Variants in GRAMD1B observed in about 807,000 individuals in gnomAD.
The protein encoded by GRAMD1B is GRAM domain containing 1B, also known as protein Aster-B.
A neutral mutation model predicts 99.7 loss-of-function variants in GRAMD1B; 37 were observed. That is an observed-to-expected ratio of 0.37 (90% CI 0.29 to 0.49). The LOEUF (loss-of-function observed/expected upper bound fraction) is 0.49, where lower values mean the gene tolerates loss of function less well. Ranked by LOEUF, GRAMD1B falls within the 20% of genes least tolerant of loss-of-function variation. The probability of loss-of-function intolerance (pLI) is 0.98; values close to 1 mark genes in which losing one functional copy is unlikely to be tolerated. For missense variants in GRAMD1B, 888 were observed against 1,009.2 expected (o/e 0.88, Z 1.63); for synonymous variants, 427 against 387.6 (o/e 1.10, Z -1.19).
intron 1 of GRAMD1B, among the ~76,000 whole-genome samples, chr11:123,453,480 C>T (rs991823310): frequency 3.3e-5 from 5 of 152,180 alleles, no homozygotes; most frequent in Non-Finnish European, 5.9e-5. Context: ...CCACACACAG[C>T]TAATTTTTGT....
intron 2 of GRAMD1B, among the ~76,000 whole-genome samples, chr11:123,543,085 G>T (rs1249712085): frequency 6.6e-6 from 1 of 151,442 alleles, no homozygotes; most frequent in African/African-American, 2.4e-5. Flanking sequence ...TATACCTCTC[G>T]ATTTTACTGC....
intron 1 of GRAMD1B, among the ~76,000 whole-genome samples, chr11:123,387,321 T>A (rs907731189): frequency 6.6e-6 from 1 of 152,154 alleles, no homozygotes; most frequent in African/African-American, 2.4e-5. Context: ...CGGCTCGCAG[T>A]GGATGCCACG....
intron 3 of GRAMD1B, among the ~76,000 whole-genome samples, chr11:123,581,726 C>G (rs953637556): frequency 6.6e-6 from 1 of 152,212 alleles, no homozygotes; most frequent in Non-Finnish European, 1.5e-5. Context: ...TGTTCTTACC[C>G]ACGCTTTACA....
chr11:123,486,015 C>A (rs1937711566), intron 2 of GRAMD1B, among the ~76,000 whole-genome samples: 1 of 152,178 alleles, frequency 6.6e-6, no homozygotes, highest in South Asian at 2.1e-4. Context: ...TGCACCCAGC[C>A]TGATTGTGCA....
At chr11:123,438,419 G>A (rs971098548) in intron 1 of GRAMD1B, among the ~76,000 whole-genome samples, 1 of 152,118 alleles carries the variant, frequency 6.6e-6, no homozygotes, top group Non-Finnish European at 1.5e-5. Flanking sequence ...AGCAAGGTAG[G>A]AATGTGGACA....
At chr11:123,583,274 T>G (rs1949628327) in intron 3 of GRAMD1B, among the ~76,000 whole-genome samples, 1 of 149,442 alleles carries the variant, frequency 6.7e-6, no homozygotes, top group Admixed American at 6.8e-5. Flanking sequence ...CGCATGTGTG[T>G]GTGCATGTGT....
chr11:123,485,092 G>T (rs1443973693), intron 2 of GRAMD1B, among the ~76,000 whole-genome samples: 1 of 152,180 alleles, frequency 6.6e-6, no homozygotes, highest in Admixed American at 6.5e-5. Flanking sequence ...GTGGCAGATG[G>T]AGCTGGGTAG....
At chr11:123,421,891 C>A (rs995897562) in intron 1 of GRAMD1B, among the ~76,000 whole-genome samples, 2 of 152,118 alleles carry the variant, frequency 1.3e-5, no homozygotes, top group African/African-American at 4.8e-5. Context: ...TCTAATAAAT[C>A]TTTTCTGTAA....
At chr11:123,605,607 A>G (rs1952602361) in intron 10 of GRAMD1B, 129 bp downstream of exon 10, 1 of 760,014 alleles carries the variant, frequency 1.3e-6, no homozygotes, top group East Asian at 2.7e-5. Context: ...AGTTTCTTCA[A>G]GGAGGCATTC....
chr11:123,578,075 C>T (rs908956480), intron 3 of GRAMD1B, among the ~76,000 whole-genome samples: 47 of 152,282 alleles, frequency 3.1e-4, no homozygotes, highest in African/African-American at 1.1e-3. Context: ...CCTTTCCATC[C>T]TCCCAAGGAT....
intron 2 of GRAMD1B, among the ~76,000 whole-genome samples, chr11:123,507,700 A>G (rs555522927): frequency 6.6e-6 from 1 of 152,216 alleles, no homozygotes; most frequent in South Asian, 2.1e-4. Flanking sequence ...TGTATATACC[A>G]ATCTCTGAAT....
intron 16 of GRAMD1B, 144 bp downstream of exon 16, chr11:123,613,802 C>A: frequency 1.6e-6 from 1 of 638,486 alleles, no homozygotes; most frequent in African/African-American, 1.8e-5. Context: ...AAATCTGAGG[C>A]TCCCAATGCT....
rs1453708421 is a variant in GRAMD1B at position 123,623,275 on chromosome 11, T to C, written c.*680T>C. 6.6e-6 allele frequency: 1 copy of C among 152,116 alleles called. No homozygotes were observed. The highest frequency in any genetic ancestry group is 1.5e-5 in the Non-Finnish European group (1 of 68,020). 9.4% of individuals were successfully genotyped at this position (152,116 alleles called of 1,614,324 possible). ...ATCACCCCTGCACCTTCCTCCGACC[T>C]GTGTAGGGTGTGGACCCAGTAAGGG... On this transcript the variant is annotated 3_prime_UTR_variant, in exon 20 of 20. Coordinates refer to ENST00000635736, the MANE Select transcript of GRAMD1B (RefSeq NM_001387025.1).
Position 123,430,913 on chromosome 11 carries a change from C to G in GRAMD1B, c.121C>G (p.Arg41Gly). ...SSSSTPTLRR[R>G]RFKMRRMKNV... Reference sequence around the variant, plus strand: ...TTCGTCGACCCCCACGCTTCGCCGCCGGCGCTTCAAGATGCGCCGCATGAA... The same window carrying G: ...TTCGTCGACCCCCACGCTTCGCCGCGGGCGCTTCAAGATGCGCCGCATGAA... Residue 41 changes from arginine to glycine, a missense_variant, in exon 1 of 20, where the codon CGG becomes GGG. By Grantham distance (125) the Arg-to-Gly change is moderately radical. Coordinates refer to ENST00000635736, the MANE Select transcript of GRAMD1B (RefSeq NM_001387025.1). 1.4e-6 allele frequency: 1 copy of G among 702,740 alleles called. No individual in the cohort carries two copies. Among genetic ancestry groups the G allele is most frequent in the Non-Finnish European group, 2.6e-6 (1 of 384,860 alleles). 43.5% of individuals were successfully genotyped at this position (702,740 alleles called of 1,614,324 possible). A position where few individuals can be genotyped will look rare whatever the true frequency, so the allele number is the denominator to read the frequency against.
At chr11:123,482,928 G>A (rs1951691914) in intron 2 of GRAMD1B, among the ~76,000 whole-genome samples, 1 of 151,902 alleles carries the variant, frequency 6.6e-6, no homozygotes, top group African/African-American at 2.4e-5. Flanking sequence ...GTGTGATGGT[G>A]CACGCCTGTA....
At chr11:123,546,235 G>C (rs1483773617) in intron 2 of GRAMD1B, among the ~76,000 whole-genome samples, 3 of 152,246 alleles carry the variant, frequency 2.0e-5, no homozygotes, top group African/African-American at 7.2e-5. Flanking sequence ...ATGGACAGAA[G>C]TGTCTGTGGG....
At chr11:123,607,069 C>T (rs1313577822) in intron 11 of GRAMD1B, among the ~76,000 whole-genome samples, 1 of 152,182 alleles carries the variant, frequency 6.6e-6, no homozygotes, top group Non-Finnish European at 1.5e-5. Flanking sequence ...GACCCTGACC[C>T]TCACAGACAC....
At chr11:123,588,150 T>C (rs1950251783) in intron 4 of GRAMD1B, among the ~76,000 whole-genome samples, 1 of 152,140 alleles carries the variant, frequency 6.6e-6, no homozygotes, top group Admixed American at 6.5e-5. Context: ...GTTTCCTGTG[T>C]GGATCTTAAC....
At chr11:123,374,672 C>T (rs1946635226) in intron 1 of GRAMD1B, among the ~76,000 whole-genome samples, 1 of 152,186 alleles carries the variant, frequency 6.6e-6, no homozygotes, top group Admixed American at 6.5e-5. Flanking sequence ...AGACAGCGAC[C>T]CTCTGCTTTT....
Sources: allele counts gnomAD v4.1 joint callset (sites outside exome capture counted in the v4.1 genomes callset), GRCh38; gene constraint gnomAD v4.1.1; transcripts MANE v1.5; gene names NCBI Gene and HGNC (gene_info 2026-07-23, HGNC 2026-07-21).